The following TNR variants were observed in gnomAD, a reference collection of about 807,000 sequenced individuals.
TNR encodes tenascin R, also known as tenascin-R.
In TNR, 45 loss-of-function variants were observed where a neutral mutation model predicts 150.4. The ratio of observed to expected loss-of-function variants is 0.30; its 90% CI spans 0.24 to 0.38. The LOEUF (loss-of-function observed/expected upper bound fraction) is 0.38. Ranked by LOEUF, TNR falls within the 10% of genes least tolerant of loss-of-function variation. TNR has a pLI of 1.00. For synonymous variants in TNR, 687 were observed against 678.4 expected, an observed-to-expected ratio of 1.01 and a Z score of -0.20; for missense variants, 1,544 against 1,759.1, an observed-to-expected ratio of 0.88 and a Z score of 2.19.
intron 1 of TNR, among the ~76,000 whole-genome samples, chr1:175,537,150 C>T (rs907936999): frequency 6.6e-6 from 1 of 152,126 alleles, no homozygotes; most frequent in East Asian, 1.9e-4. Context: ...GGAAGGGCAC[C>T]CCTTGGAGAG....
At chr1:175,387,857 C>T (rs1446262362) in intron 7 of TNR, among the ~76,000 whole-genome samples, 1 of 152,198 alleles carries the variant, frequency 6.6e-6, no homozygotes, top group Non-Finnish European at 1.5e-5. Context: ...GGGTACCCCT[C>T]CCTCTTTCCG....
At chr1:175,454,648 T>G (rs1315488395) in intron 2 of TNR, among the ~76,000 whole-genome samples, 1 of 152,060 alleles carries the variant, frequency 6.6e-6, no homozygotes, top group Non-Finnish European at 1.5e-5. Context: ...ATTTTTGTGT[T>G]TTTAGTAGAG....
chr1:175,740,102 T>A (rs1294952458), intron 1 of TNR, among the ~76,000 whole-genome samples: 1 of 152,220 alleles, frequency 6.6e-6, no homozygotes, highest in Non-Finnish European at 1.5e-5. Flanking sequence ...AATGTACCCC[T>A]CCCACATCTT....
At chr1:175,473,792 A>G (rs930786173) in intron 2 of TNR, among the ~76,000 whole-genome samples, 2 of 152,208 alleles carry the variant, frequency 1.3e-5, no homozygotes, top group African/African-American at 4.8e-5. Flanking sequence ...TTAATGTACA[A>G]TCTACCCGGA....
rs200553255 is a variant in TNR, at chr1:175,458,954, CCAA to C, written c.-63-52180_-63-52178del. 6.8e-5 allele frequency among the ~76,000 whole-genome samples: 7 copies of C among 102,956 alleles called. No homozygotes were observed. The East Asian group carries it at 1.3e-3, about 20-fold the overall frequency. The allele number at this position is 102,956 out of a possible 152,430, so 67.5% of individuals were successfully genotyped here. A position where few individuals can be genotyped will look rare whatever the true frequency, so the allele number is the denominator to read the frequency against. ...ATCACCACCACCATTAGCACCTCCA[CCAA>C]CACCATCACCACCACGTTAACCACA... On this transcript the variant is annotated intron_variant, in intron 2 of 22. Transcript: ENST00000367674.
At chr1:175,378,387 T>C (rs1248789824) in intron 9 of TNR, among the ~76,000 whole-genome samples, 2 of 152,108 alleles carry the variant, frequency 1.3e-5, no homozygotes, top group African/African-American at 4.8e-5. Flanking sequence ...TATGGTGCAA[T>C]GTTCACAGAG....
intron 1 of TNR, among the ~76,000 whole-genome samples, chr1:175,625,444 G>GA (rs1174997071): frequency 2.0e-5 from 3 of 152,240 alleles, no homozygotes; most frequent in Admixed American, 6.5e-5. Flanking sequence ...AGCATCTGGG[G>GA]AAATGTGCTT....
chr1:175,441,638 T>C (rs1178871845), intron 2 of TNR, among the ~76,000 whole-genome samples: 3 of 152,086 alleles, frequency 2.0e-5, no homozygotes, highest in African/African-American at 4.8e-5. Context: ...CAGCTGTGTG[T>C]GTGTGTGTTG....
At chr1:175,596,982 T>A (rs1245808790) in intron 1 of TNR, among the ~76,000 whole-genome samples, 1 of 152,212 alleles carries the variant, frequency 6.6e-6, no homozygotes, top group Non-Finnish European at 1.5e-5. Context: ...ATTTCAGGGT[T>A]ATCAGCTCTC....
In TNR at chr1:175,688,618, A is replaced by C. The variant is rs897469816; in HGVS notation, c.-165+54608T>G. On this transcript the variant is annotated intron_variant, in intron 1 of 22. Transcript: ENST00000367674. Reference sequence around the variant, plus strand: ...TTAGAAAGGAAGGAAATGAGGATGCAATTTGCATGGTGTGGGTACCTGAGA... The same window carrying C: ...TTAGAAAGGAAGGAAATGAGGATGCCATTTGCATGGTGTGGGTACCTGAGA... Among the ~76,000 whole-genome samples, 3 of 152,306 alleles carry C rather than the reference A, an allele frequency of 2.0e-5. 1 individual carries two copies. In the Middle Eastern group the frequency reaches 0.01, roughly 518 times the overall value.
At chr1:175,739,025 C>A (rs1311333983) in intron 1 of TNR, among the ~76,000 whole-genome samples, 2 of 152,178 alleles carry the variant, frequency 1.3e-5, no homozygotes, top group Non-Finnish European at 2.9e-5. Context: ...CTTTGGCTGT[C>A]TTCTAACTTT....
intron 1 of TNR, among the ~76,000 whole-genome samples, chr1:175,586,672 T>C (rs1419194367): frequency 6.6e-6 from 1 of 152,192 alleles, no homozygotes; most frequent in Non-Finnish European, 1.5e-5. Context: ...CCCCCATAAA[T>C]AGCCCTCCAA....
At chr1:175,664,371 C>T (rs72725494) in intron 1 of TNR, among the ~76,000 whole-genome samples, 10,180 of 152,236 alleles carry the variant, frequency 0.067, 447 homozygotes, top group East Asian at 0.12. Context: ...GCCAAACACC[C>T]ACTGCATCAG....
At chr1:175,538,818 A>T (rs1018871471) in intron 1 of TNR, 8 of 152,214 alleles carry the variant, frequency 5.3e-5, no homozygotes, top group Non-Finnish European at 8.8e-5. Flanking sequence ...CTTGGCATAC[A>T]GGAAGGTTGC....
chr1:175,554,833 A>T (rs1351092341), intron 1 of TNR, among the ~76,000 whole-genome samples: 5 of 152,186 alleles, frequency 3.3e-5, no homozygotes, highest in Non-Finnish European at 5.9e-5. Context: ...CAATCATAAA[A>T]CCATTGGGAG....
intron 2 of TNR, among the ~76,000 whole-genome samples, chr1:175,453,854 T>G (rs1345545862): frequency 6.6e-6 from 1 of 152,208 alleles, no homozygotes; most frequent in Admixed American, 6.5e-5. Context: ...GTTACAGTCA[T>G]GAGCCACTGT....
chr1:175,323,266 AAC>A lies in TNR; in HGVS notation c.*89_*90del. ...TTCACATACTCTTAATATGTTGCAA[AAC>A]ACATTGCTATTACCCTCCCCCCTTG... On this transcript the variant is annotated 3_prime_UTR_variant, in exon 23 of 23. Coordinates refer to ENST00000367674, the MANE Select transcript of TNR (RefSeq NM_003285.3). The A allele has an allele frequency of 6.5e-7, 1 of 1,530,152 alleles. No homozygotes were observed. The highest frequency in any genetic ancestry group is 8.9e-7 in the Non-Finnish European group (1 of 1,124,278). The allele number at this position is 1,530,152 out of a possible 1,614,324, so 94.8% of individuals were successfully genotyped here. A position where few individuals can be genotyped will look rare whatever the true frequency, so the allele number is the denominator to read the frequency against.
chr1:175,380,660 C>T (rs1487336253), intron 8 of TNR, among the ~76,000 whole-genome samples: 1 of 152,100 alleles, frequency 6.6e-6, no homozygotes. Flanking sequence ...AACCACAATG[C>T]TTGTTCTCTG....
chr1:175,618,481 G>A (rs1184075861), intron 1 of TNR, among the ~76,000 whole-genome samples: 3 of 152,076 alleles, frequency 2.0e-5, no homozygotes, highest in Admixed American at 1.3e-4. Context: ...AATGCATATT[G>A]GCAGCCACTT....
Sources: gnomAD v4.1 joint callset for allele counts (sites outside exome capture counted in the v4.1 genomes callset) on GRCh38, gnomAD v4.1.1 for gene constraint, MANE v1.5 for transcripts, NCBI Gene and HGNC (gene_info 2026-07-23, HGNC 2026-07-21) for gene names.